Variants in SKP1 observed in about 807,000 individuals in gnomAD.
SKP1 encodes S-phase kinase associated protein 1.
SKP1 carries 1 observed loss-of-function variant against 21.5 expected under a neutral mutation model. That is an observed-to-expected ratio of 0.05 (90% confidence interval 0.02 to 0.22). The LOEUF is 0.22. SKP1 is among the 10% of genes least tolerant of loss of function. SKP1 has a pLI of 1.00. For synonymous variants in SKP1, 59 were observed against 59.3 expected (o/e 0.99, Z 0.03); for missense variants, 70 against 192.0 (o/e 0.36, Z 3.76).
At position 134,165,366 on chromosome 5, in the gene SKP1, G is replaced by T. The variant is rs114415237; in HGVS notation, c.171+1804C>A. 3.9e-3 allele frequency among the ~76,000 whole-genome samples: 596 copies of T among 152,284 alleles called. 7 individuals are homozygous for T. Among genetic ancestry groups the T allele is most frequent in the African/African-American group, 0.013 (553 of 41,546 alleles). On this transcript the variant is annotated intron_variant, in intron 3 of 5. Transcript: ENST00000353411. ...ACACTTTGGGAGGCCAAAGCAGGCA[G>T]ATCGCCTGAGGTGAGGAGTTCAAGA...
At chr5:134,175,010 C>T (rs1761512889) in intron 1 of SKP1, 1 of 152,152 alleles carries the variant, frequency 6.6e-6, no homozygotes. Flanking sequence ...TATTCATAAT[C>T]CGGTGATGTC....
In SKP1 at chr5:134,153,712, ATTAAC is replaced by A. The variant is rs1761077189; in HGVS notation, c.*4016_*4020del. 1 of 152,320 alleles carries A rather than the reference ATTAAC, an allele frequency of 6.6e-6. No individual in the cohort carries two copies. Among genetic ancestry groups the A allele is most frequent in the South Asian group, 2.1e-4 (1 of 4,832 alleles). 9.4% of individuals were successfully genotyped at this position (152,320 alleles called of 1,614,324 possible). The stretch of plus-strand genomic sequence containing the variant: ...ACTGCCTTATTGAGAGCCTAGGCAA[ATTAAC>A]TTAAACAAAATTTATGTTGGGATCA... On this transcript the variant is annotated 3_prime_UTR_variant, in exon 6 of 6. Transcript: ENST00000353411.
intron 2 of SKP1, among the ~76,000 whole-genome samples, chr5:134,173,123 G>A (rs991216502): frequency 3.3e-5 from 5 of 150,714 alleles, no homozygotes; most frequent in South Asian, 4.2e-4. Context: ...ACCTGAGGTC[G>A]GGAGTCCGAG....
At chr5:134,174,134 AC>A in intron 1 of SKP1, 112 bp from the exon 2 acceptor site, 1 of 689,662 alleles carries the variant, frequency 1.4e-6, no homozygotes, top group East Asian at 2.7e-5. Context: ...AGTTCTAAGA[AC>A]CTACAATACA....
rs1761114406 is a variant in SKP1, at chr5:134,155,992, TTC to T, written c.*1739_*1740del. On this transcript the variant is annotated 3_prime_UTR_variant, in exon 6 of 6. Coordinates refer to ENST00000353411, the MANE Select transcript of SKP1 (RefSeq NM_170679.3). The stretch of plus-strand genomic sequence containing the variant: ...TTTTTTTTTTGGAGAGACAGGGACT[TTC>T]TGTGTTGCCCAGGCTGGTCTTGAAC... 6.6e-6 allele frequency: 1 copy of T among 151,722 alleles called. No homozygotes were observed. 9.4% of individuals were successfully genotyped at this position (151,722 alleles called of 1,614,324 possible).
At position 134,164,322 on chromosome 5, in the gene SKP1, G is replaced by GAAAAAAAAAA. The variant is rs55637997; in HGVS notation, c.171+2838_171+2847dup. On this transcript the variant is annotated intron_variant, in intron 3 of 5. Coordinates refer to ENST00000353411, the MANE Select transcript of SKP1 (RefSeq NM_170679.3). ...CAACAAGAGCAAAACTCCATCTCAA[G>GAAAAAAAAAA]AAAAAAAAAAAAAAAAAAAAAAAAA... Among the ~76,000 whole-genome samples the GAAAAAAAAAA allele has an allele frequency of 3.3e-4, 40 of 122,116 alleles. 2 individuals carry two copies. Among genetic ancestry groups the GAAAAAAAAAA allele is most frequent in the African/African-American group, 1.1e-3 (35 of 31,588 alleles). 80.1% of individuals were successfully genotyped at this position (122,116 alleles called of 152,430 possible).
Position 134,158,536 on chromosome 5 carries a change from A to G in SKP1, c.375T>C (p.Asn125=), listed in dbSNP as rs1761160923. 1.2e-6 allele frequency: 2 copies of G among 1,613,606 alleles called. No individual in the cohort carries two copies. Among genetic ancestry groups the G allele is most frequent in the Admixed American group, 1.7e-5 (1 of 60,006 alleles). ...LLDVTCKTVA[N]MIKGKTPEEI... is the part of the protein sequence containing the mutation. Reference sequence around the variant, plus strand: ...CCTCAGGAGTTTTCCCCTTGATCATATTGGCAACAGTCTTGCATGTAACAT... The same window carrying G: ...CCTCAGGAGTTTTCCCCTTGATCATGTTGGCAACAGTCTTGCATGTAACAT... The change falls in exon 5 of 6, where the codon AAT becomes AAC. Residue 125 remains asparagine (N), a synonymous_variant. Coordinates refer to ENST00000353411, the MANE Select transcript of SKP1 (RefSeq NM_170679.3).
chr5:134,169,870 G>A (rs1038117237), intron 2 of SKP1, among the ~76,000 whole-genome samples: 4 of 152,146 alleles, frequency 2.6e-5, no homozygotes, highest in South Asian at 2.1e-4. Context: ...GTGTGGTGGC[G>A]CATGCCTGTA....
intron 3 of SKP1, among the ~76,000 whole-genome samples, chr5:134,163,983 A>G (rs764049568): frequency 3.3e-5 from 5 of 152,072 alleles, no homozygotes; most frequent in Non-Finnish European, 7.4e-5. Flanking sequence ...CTTGCTCCCA[A>G]ATCCCAGAAT....
At chr5:134,166,295 G>A (rs1761329387) in intron 3 of SKP1, among the ~76,000 whole-genome samples, 1 of 151,288 alleles carries the variant, frequency 6.6e-6, no homozygotes, top group Non-Finnish European at 1.5e-5. Context: ...TAAGAATGGG[G>A]GAGAATGCTG....
chr5:134,157,945 T>A (rs1476759838), intron 5 of SKP1, 177 bp from the exon 6 acceptor site: 1 of 1,529,290 alleles, frequency 6.5e-7, no homozygotes. Context: ...CCTCCCATGG[T>A]TTTTATTCTG....
In SKP1 at chr5:134,151,693, A is replaced by C. The variant is rs1761046005; in HGVS notation, c.*6040T>G. 4.4e-6 allele frequency: 2 copies of C among 456,170 alleles called. No homozygotes were observed. The highest frequency in any genetic ancestry group is 4.0e-5 in the African/African-American group (2 of 50,088). The allele number at this position is 456,170 out of a possible 1,614,324, so 28.3% of individuals were successfully genotyped here. A position where few individuals can be genotyped will look rare whatever the true frequency, so the allele number is the denominator to read the frequency against. On this transcript the variant is annotated 3_prime_UTR_variant, in exon 6 of 6. Transcript: ENST00000353411. ...TGACAGATATCAGAAGGTCGCAAGA[A>C]CTACAGATGTGGAAGCAGACACTGT...
Position 134,153,974 on chromosome 5 carries a change from T to C in SKP1, c.*3759A>G, listed in dbSNP as rs1390957420. The C allele has an allele frequency of 6.6e-6, 1 of 152,202 alleles. No individual in the cohort carries two copies. The highest frequency in any genetic ancestry group is 1.5e-5 in the Non-Finnish European group (1 of 68,034). The allele number at this position is 152,202 out of a possible 1,614,324, so 9.4% of individuals were successfully genotyped here. A position where few individuals can be genotyped will look rare whatever the true frequency, so the allele number is the denominator to read the frequency against. On this transcript the variant is annotated 3_prime_UTR_variant, in exon 6 of 6. Transcript: ENST00000353411. ...TTGCTTAATTCCAGGAGCTGGTGTA[T>C]TCTGACAGTTGTAGAGTAAAAAGTC...
chr5:134,158,255 T>G, intron 5 of SKP1, 200 bp downstream of exon 5: 1 of 1,458,072 alleles, frequency 6.9e-7, no homozygotes, highest in South Asian at 1.4e-5. Context: ...CTAATTGTTC[T>G]TATGCTTAAA....
chr5:134,152,219 A>AT lies in SKP1; in HGVS notation c.*5513dup, dbSNP rs1312261685. On this transcript the variant is annotated 3_prime_UTR_variant, in exon 6 of 6. Coordinates refer to ENST00000353411, the MANE Select transcript of SKP1 (RefSeq NM_170679.3). The stretch of plus-strand genomic sequence containing the variant: ...AAAAATTAAAATTAAAAAAATTAGA[A>AT]TTTAGCTCACTCAAAAATTGCCCTG... 1.4e-5 allele frequency: 2 copies of AT among 146,172 alleles called. No individual in the cohort carries two copies. Among genetic ancestry groups the AT allele is most frequent in the Non-Finnish European group, 2.9e-5 (2 of 67,870 alleles). 9.1% of individuals were successfully genotyped at this position (146,172 alleles called of 1,614,324 possible). A position where few individuals can be genotyped will look rare whatever the true frequency, so the allele number is the denominator to read the frequency against.
At chr5:134,167,629 T>A (rs975697828) in intron 2 of SKP1, among the ~76,000 whole-genome samples, 5 of 152,004 alleles carry the variant, frequency 3.3e-5, no homozygotes, top group Middle Eastern at 3.4e-3. Flanking sequence ...TTCACACCAT[T>A]CTCCTGCCTC....
rs142949753 is a variant in SKP1, at chr5:134,174,327, C to G, written c.1-305G>C. On this transcript the variant is annotated intron_variant, in intron 1 of 5. Transcript: ENST00000353411. ...TTGTATTTGCTTTCTGCCTGCCTTT[C>G]GTCTCCCACTGAATACTGGACTCCA... 3.5e-4 allele frequency: 90 copies of G among 256,086 alleles called. 1 individual carries two copies. In the East Asian group the frequency reaches 8.4e-3, roughly 24 times the overall value. The allele number at this position is 256,086 out of a possible 1,614,324, so 15.9% of individuals were successfully genotyped here.
chr5:134,166,042 A>G (rs960418029), intron 3 of SKP1, among the ~76,000 whole-genome samples: 1 of 151,562 alleles, frequency 6.6e-6, no homozygotes, highest in Non-Finnish European at 1.5e-5. Context: ...AAAATTAGCC[A>G]GTGTGGTGGT....
rs961211247 is a variant in SKP1 at position 134,151,814 on chromosome 5, C to T, written c.*5919G>A. The T allele has an allele frequency of 1.9e-5, 7 of 369,596 alleles. No individual in the cohort carries two copies. Among genetic ancestry groups the T allele is most frequent in the African/African-American group, 1.3e-4 (6 of 47,430 alleles). The allele number at this position is 369,596 out of a possible 1,614,324, so 22.9% of individuals were successfully genotyped here. ...ACACAAGACTGCAAGGCAACAAGTA[C>T]ATTATCAATGAATTAGCCATCTATC... On this transcript the variant is annotated 3_prime_UTR_variant, in exon 6 of 6. Transcript: ENST00000353411.
Sources: gnomAD v4.1 joint callset for allele counts (sites outside exome capture counted in the v4.1 genomes callset) on GRCh38, gnomAD v4.1.1 for gene constraint, MANE v1.5 for transcripts, NCBI Gene and HGNC (gene_info 2026-07-23, HGNC 2026-07-21) for gene names.